SAMD7: variants seen among roughly 807,000 people sequenced by gnomAD.
SAMD7 encodes sterile alpha motif domain-containing protein 7.
SAMD7 carries 34 observed loss-of-function variants against 36.7 expected under a neutral mutation model. The observed-to-expected ratio is 0.93, with a 90% CI of 0.71 to 1.23. The LOEUF (loss-of-function observed/expected upper bound fraction) is 1.23. SAMD7 is among the 50% of genes most tolerant of loss of function. SAMD7 has a pLI of 0.00. For missense variants in SAMD7, 570 were observed against 546.6 expected (o/e 1.04, Z -0.43); for synonymous variants, 188 against 189.7 (o/e 0.99, Z 0.07).
At chr3:169,933,720 AGT>A (rs1479667471) in intron 7 of SAMD7, among the ~76,000 whole-genome samples, 1 of 152,254 alleles carries the variant, frequency 6.6e-6, no homozygotes, top group African/African-American at 2.4e-5. Flanking sequence ...GCTGGTCCTG[AGT>A]CATGCCCTGT....
rs562547778 is a variant in SAMD7 at position 169,932,443 on chromosome 3, C to T, written c.1041+3865C>T. On this transcript the variant is annotated intron_variant, in intron 7 of 8. Coordinates refer to ENST00000335556, the MANE Select transcript of SAMD7 (RefSeq NM_001304366.2). ...TATGCCGGTTATGATAGACACAATGCGGAGGTAGCAGCCTTTCACTTGGAC... is the reference window on the plus strand; with the variant it reads ...TATGCCGGTTATGATAGACACAATGTGGAGGTAGCAGCCTTTCACTTGGAC... The T allele has an allele frequency of 6.7e-5, 41 of 610,726 alleles. No homozygotes were observed. In the East Asian group the frequency reaches 1.4e-3, roughly 21 times the overall value. 37.8% of individuals were successfully genotyped at this position (610,726 alleles called of 1,614,324 possible).
rs1012051044 is a variant in SAMD7, at chr3:169,921,334, C to T, written c.207C>T (p.Tyr69=). The change falls in exon 4 of 9, where the codon TAC becomes TAT. Residue 69 remains tyrosine (Y), a synonymous_variant. Transcript: ENST00000335556. ...NMANVLSSRI[Y]PGWGILPPES... is the part of the protein sequence containing the mutation. ...CAAATGTGTTGTCCAGTCGGATCTA[C>T]CCAGGTATGAGCAATAGAAGTTTGG... 3 of 1,613,890 alleles carry T rather than the reference C, an allele frequency of 1.9e-6. No homozygotes were observed. The highest frequency in any genetic ancestry group is 1.7e-5 in the Admixed American group (1 of 59,986).
At chr3:169,926,462 T>A in intron 5 of SAMD7, 91 bp from the exon 6 acceptor site, 1 of 1,323,992 alleles carries the variant, frequency 7.6e-7, no homozygotes, top group South Asian at 1.4e-5. Context: ...ATAAACAGTG[T>A]GAGGACTATT....
chr3:169,926,078 A>T, intron 5 of SAMD7: 1 of 378,678 alleles, frequency 2.6e-6, no homozygotes, highest in South Asian at 2.1e-5. Context: ...ATTGAGGACC[A>T]AAAAGCAAAG....
At chr3:169,913,267 G>T (rs570748992) in intron 1 of SAMD7, among the ~76,000 whole-genome samples, 10 of 152,012 alleles carry the variant, frequency 6.6e-5, no homozygotes, top group Admixed American at 2.0e-4. Context: ...TTCTACATAC[G>T]ATTAGTCAAA....
intron 7 of SAMD7, among the ~76,000 whole-genome samples, chr3:169,933,446 C>T (rs143586440): frequency 1.3e-5 from 2 of 152,296 alleles, no homozygotes; most frequent in African/African-American, 4.8e-5. Flanking sequence ...TGCTGAATCA[C>T]CTTCTGAATT....
At position 169,915,448 on chromosome 3, in the gene SAMD7, T is replaced by C. The variant is rs1390514202; in HGVS notation, c.-42+7T>C. 1 of 152,116 alleles carries C rather than the reference T, an allele frequency of 6.6e-6. No individual in the cohort carries two copies. The highest frequency in any genetic ancestry group is 6.6e-5 in the Admixed American group (1 of 15,252). 9.4% of individuals were successfully genotyped at this position (152,116 alleles called of 1,614,324 possible). A position where few individuals can be genotyped will look rare whatever the true frequency, so the allele number is the denominator to read the frequency against. Reference sequence around the variant, plus strand: ...TCCACGGCTTTTCCTAAAGGTAACATGTAAGAGGAAGAGGTGGTGAGTCTC... The same window carrying C: ...TCCACGGCTTTTCCTAAAGGTAACACGTAAGAGGAAGAGGTGGTGAGTCTC... On this transcript the variant is annotated splice_region_variant and intron_variant, in intron 2 of 8. Transcript: ENST00000335556.
At position 169,928,339 on chromosome 3, in the gene SAMD7, T is replaced by A. The variant is rs563226435; in HGVS notation, c.920-118T>A. ...GAAAACATCTCCTAGTAATTCCTAA[T>A]ATCTTGTAAGGCGTTTGCAAATCAA... is the stretch of plus-strand genomic sequence containing the variant. On this transcript the variant is annotated intron_variant, in intron 6 of 8. Coordinates refer to ENST00000335556, the MANE Select transcript of SAMD7 (RefSeq NM_001304366.2). 31 of 719,968 alleles carry A rather than the reference T, an allele frequency of 4.3e-5. 1 individual carries two copies. The African/African-American group carries it at 5.0e-4, about 12-fold the overall frequency. 44.6% of individuals were successfully genotyped at this position (719,968 alleles called of 1,614,324 possible). A position where few individuals can be genotyped will look rare whatever the true frequency, so the allele number is the denominator to read the frequency against.
At chr3:169,932,134 C>T (rs937271348) in intron 7 of SAMD7, 16 of 558,022 alleles carry the variant, frequency 2.9e-5, no homozygotes, top group Non-Finnish European at 4.9e-5. Context: ...GGCTTTTCAC[C>T]GAATGATGAC....
chr3:169,936,824 C>T (rs1166431658), intron 8 of SAMD7, among the ~76,000 whole-genome samples: 4 of 152,086 alleles, frequency 2.6e-5, no homozygotes, highest in Non-Finnish European at 5.9e-5. Context: ...TCATCCCACT[C>T]GGGAGTGCTG....
chr3:169,928,424 T>C, intron 6 of SAMD7, 33 bp from the exon 7 acceptor site: 1 of 1,587,694 alleles, frequency 6.3e-7, no homozygotes, highest in Admixed American at 1.7e-5. Context: ...AACCTGTATG[T>C]ATTTTATGCC....
chr3:169,936,600 C>T (rs1037410394), intron 8 of SAMD7, 151 bp downstream of exon 8: 3 of 569,828 alleles, frequency 5.3e-6, no homozygotes, highest in Non-Finnish European at 9.4e-6. Flanking sequence ...AGTGAGGGAC[C>T]CTGAAAACAT....
chr3:169,917,599 TTA>T (rs1712861457), intron 2 of SAMD7, among the ~76,000 whole-genome samples: 1 of 149,794 alleles, frequency 6.7e-6, no homozygotes, highest in Non-Finnish European at 1.5e-5. Context: ...CCAATTATAC[TTA>T]GTTATTTTTA....
intron 7 of SAMD7, among the ~76,000 whole-genome samples, chr3:169,929,010 G>A (rs1385211006): frequency 6.6e-6 from 1 of 152,126 alleles, no homozygotes; most frequent in Non-Finnish European, 1.5e-5. Context: ...CATTCTAAAA[G>A]GAACAAGAAG....
chr3:169,933,595 C>A (rs1576838462), intron 7 of SAMD7, among the ~76,000 whole-genome samples: 1 of 152,214 alleles, frequency 6.6e-6, no homozygotes, highest in Non-Finnish European at 1.5e-5. Context: ...ACATTTCAGT[C>A]CTTTCTCCAC....
In SAMD7 at chr3:169,938,537, C is replaced by G. The variant is rs1291525674; in HGVS notation, c.*31C>G. 7.0e-7 allele frequency: 1 copy of G among 1,430,050 alleles called. No homozygotes were observed. Among genetic ancestry groups the G allele is most frequent in the South Asian group, 1.2e-5 (1 of 83,046 alleles). 88.6% of individuals were successfully genotyped at this position (1,430,050 alleles called of 1,614,324 possible). A position where few individuals can be genotyped will look rare whatever the true frequency, so the allele number is the denominator to read the frequency against. ...CTCAAGGAGGAAGAATAGTCTTAGC[C>G]AGTTTTCCAAAGAGCCTAGGATATT... is the stretch of plus-strand genomic sequence containing the variant. On this transcript the variant is annotated 3_prime_UTR_variant, in exon 9 of 9. Transcript: ENST00000335556.
At chr3:169,913,933 G>A (rs983125816) in intron 1 of SAMD7, among the ~76,000 whole-genome samples, 3 of 152,106 alleles carry the variant, frequency 2.0e-5, no homozygotes, top group African/African-American at 4.8e-5. Flanking sequence ...ACCTTAGAAC[G>A]TTGCCTTAAA....
intron 5 of SAMD7, among the ~76,000 whole-genome samples, chr3:169,925,433 A>G (rs1179788632): frequency 6.6e-6 from 1 of 152,182 alleles, no homozygotes; most frequent in East Asian, 1.9e-4. Context: ...TAAAAGCAAG[A>G]TTAGAAATCA....
At chr3:169,933,515 G>A (rs1161691926) in intron 7 of SAMD7, among the ~76,000 whole-genome samples, 8 of 152,200 alleles carry the variant, frequency 5.3e-5, no homozygotes, top group Admixed American at 3.3e-4. Flanking sequence ...TAATTCCCAG[G>A]CCAAAGGACA....
Sources: gnomAD v4.1 joint callset for allele counts (sites outside exome capture counted in the v4.1 genomes callset) on GRCh38, gnomAD v4.1.1 for gene constraint, MANE v1.5 for transcripts, NCBI Gene and HGNC (gene_info 2026-07-23, HGNC 2026-07-21) for gene names.